PLEKHS1: variants seen among roughly 807,000 people sequenced by gnomAD.
PLEKHS1 encodes the protein pleckstrin homology domain containing S1.
PLEKHS1 carries 55 observed loss-of-function variants against 51.0 expected under a neutral mutation model. The ratio of observed to expected loss-of-function variants is 1.08; its 90% confidence interval spans 0.87 to 1.35. The LOEUF is 1.35. Among genes scored for constraint, PLEKHS1 ranks in the 40% most tolerant of loss-of-function variants. The pLI is 0.00. For missense variants in PLEKHS1, 398 were observed against 423.0 expected (o/e 0.94, Z 0.52); for synonymous variants, 153 against 144.8 (o/e 1.06, Z -0.41).
At chr10:113,777,100 T>C (rs764667215) in intron 11 of PLEKHS1, 24 bp from the exon 12 acceptor site, 28 of 1,611,210 alleles carry the variant, frequency 1.7e-5, no homozygotes, top group African/African-American at 4.0e-5. Context: ...CACACTGGTA[T>C]TGGATGTTGT....
intron 1 of PLEKHS1, 130 bp from the exon 2 acceptor site, chr10:113,755,129 A>C: frequency 1.1e-6 from 1 of 940,638 alleles, no homozygotes; most frequent in Non-Finnish European, 1.5e-6. Context: ...AAGGATGGGA[A>C]TGGGAGACTC....
At chr10:113,766,028 C>T (rs1844145641) in intron 2 of PLEKHS1, among the ~76,000 whole-genome samples, 1 of 152,174 alleles carries the variant, frequency 6.6e-6, no homozygotes, top group African/African-American at 2.4e-5. Flanking sequence ...ATAGTTTTTG[C>T]CACTTCATTT....
exon 12 of PLEKHS1, chr10:113,781,481 C>A: frequency 7.7e-6 from 1 of 130,182 alleles, no homozygotes; most frequent in Admixed American, 7.9e-5. Flanking sequence ...CCAACACCTC[C>A]TTCCCCAACA....
chr10:113,780,963 T>C (rs1019086277), exon 12 of PLEKHS1: 3 of 614,898 alleles, frequency 4.9e-6, no homozygotes, highest in African/African-American at 3.7e-5. Context: ...AAGAGGGTCA[T>C]GTGGCATGAT....
intron 4 of PLEKHS1, 63 bp downstream of exon 4, chr10:113,766,781 T>G: frequency 1.6e-6 from 2 of 1,263,236 alleles, no homozygotes; most frequent in Middle Eastern, 1.9e-4. Flanking sequence ...CAGTAACAAG[T>G]TGCATGCAAA....
chr10:113,770,160 G>T (rs543272367), intron 7 of PLEKHS1, among the ~76,000 whole-genome samples: 1 of 152,228 alleles, frequency 6.6e-6, no homozygotes, highest in African/African-American at 2.4e-5. Flanking sequence ...AGACCCCTTT[G>T]CTAAACCAAA....
exon 7 of PLEKHS1, chr10:113,769,869 C>G: frequency 6.2e-7 from 1 of 1,613,936 alleles, no homozygotes; most frequent in Non-Finnish European, 8.5e-7. Flanking sequence ...GCTGTTGGCT[C>G]CAGCTCACCA....
At chr10:113,767,350 C>T (rs766982824) in exon 5 of PLEKHS1, 1 of 1,598,666 alleles carries the variant, frequency 6.3e-7, no homozygotes, top group Non-Finnish European at 8.5e-7. Context: ...AATAGAAATT[C>T]CAGTGTAGAA....
At chr10:113,756,320 G>T (rs1854110208) in intron 2 of PLEKHS1, among the ~76,000 whole-genome samples, 1 of 152,080 alleles carries the variant, frequency 6.6e-6, no homozygotes, top group Admixed American at 6.6e-5. Context: ...ACAAAAATTT[G>T]CTGGGCGTGG....
intron 1 of PLEKHS1, among the ~76,000 whole-genome samples, chr10:113,752,552 C>A (rs1853894401): frequency 6.6e-6 from 1 of 152,114 alleles, no homozygotes; most frequent in Admixed American, 6.5e-5. Flanking sequence ...ATACTCCCAG[C>A]AATCTGATGA....
intron 10 of PLEKHS1, 68 bp downstream of exon 10, chr10:113,775,103 T>C: frequency 1.5e-6 from 2 of 1,377,466 alleles, no homozygotes; most frequent in East Asian, 4.9e-5. Flanking sequence ...ACTTTTTTTT[T>C]TAACTTAGAA....
At chr10:113,768,933 A>G (rs1189676631) in intron 6 of PLEKHS1, 43 bp downstream of exon 6, 21 of 1,458,514 alleles carry the variant, frequency 1.4e-5, no homozygotes, top group Non-Finnish European at 2.0e-5. Flanking sequence ...ACCTGAACAC[A>G]ACCCTCTTTC....
intron 4 of PLEKHS1, among the ~76,000 whole-genome samples, chr10:113,767,136 G>T (rs895759841): frequency 6.6e-6 from 1 of 152,082 alleles, no homozygotes; most frequent in Admixed American, 6.5e-5. Context: ...AATTAAAATA[G>T]AAATTTTTGA....
chr10:113,778,900 G>A (rs1844784003), intron 11 of PLEKHS1, among the ~76,000 whole-genome samples: 1 of 152,164 alleles, frequency 6.6e-6, no homozygotes, highest in Non-Finnish European at 1.5e-5. Flanking sequence ...CAAAGTGCTG[G>A]GATTACAGGC....
chr10:113,781,900 A>G (rs984860329), exon 12 of PLEKHS1: 2 of 152,344 alleles, frequency 1.3e-5, no homozygotes, highest in East Asian at 1.9e-4. Context: ...TTCAATAAGT[A>G]TCTTGTTCTC....
intron 1 of PLEKHS1, among the ~76,000 whole-genome samples, chr10:113,753,187 G>A (rs1384313915): frequency 1.3e-5 from 2 of 152,026 alleles, no homozygotes; most frequent in Admixed American, 1.3e-4. Flanking sequence ...ATCCTTGAGG[G>A]CCATCACTCA....
At chr10:113,783,025 C>A (rs1331162266), downstream of PLEKHS1, 7 of 152,106 alleles carry the variant, frequency 4.6e-5, no homozygotes, top group African/African-American at 1.7e-4. Context: ...CACCTGAGGT[C>A]TGGAGCTCGA....
At chr10:113,780,401 T>C (rs1844828762) in intron 11 of PLEKHS1, among the ~76,000 whole-genome samples, 1 of 152,122 alleles carries the variant, frequency 6.6e-6, no homozygotes, top group African/African-American at 2.4e-5. Flanking sequence ...TTTCAGGCCA[T>C]GGATGCCAGA....
chr10:113,762,286 T>A (rs1843965184), intron 2 of PLEKHS1, among the ~76,000 whole-genome samples: 1 of 151,714 alleles, frequency 6.6e-6, no homozygotes. Flanking sequence ...TTGTCTCTGT[T>A]GTTTTTCTGT....
Sources: allele counts gnomAD v4.1 joint callset (sites outside exome capture counted in the v4.1 genomes callset), GRCh38; gene constraint gnomAD v4.1.1; transcripts MANE v1.5; gene names NCBI Gene and HGNC (gene_info 2026-07-23, HGNC 2026-07-21).